The following UST variants were observed in gnomAD, a reference collection of about 807,000 sequenced individuals.
UST encodes the protein uronyl 2-sulfotransferase.
UST carries 21 observed loss-of-function variants against 45.6 expected under a neutral mutation model. That is an observed-to-expected ratio of 0.46 (90% CI 0.33 to 0.66). UST has a LOEUF of 0.66. Among genes scored for constraint, UST ranks in the 30% least tolerant of loss-of-function variants. The pLI, the probability that UST is intolerant of heterozygous loss-of-function variation, is 0.02. For synonymous variants in UST, 215 were observed against 200.6 expected, an observed-to-expected ratio of 1.07 and a Z score of -0.61; for missense variants, 463 against 512.4, an observed-to-expected ratio of 0.90 and a Z score of 0.93.
chr6:148,825,037 C>A (rs1190963281), intron 1 of UST, among the ~76,000 whole-genome samples: 1 of 151,812 alleles, frequency 6.6e-6, no homozygotes, highest in Non-Finnish European at 1.5e-5. Context: ...GCATAGTATT[C>A]CATGGTGTAT....
At chr6:148,821,440 C>T (rs967658439) in intron 1 of UST, among the ~76,000 whole-genome samples, 2 of 152,294 alleles carry the variant, frequency 1.3e-5, no homozygotes, top group East Asian at 1.9e-4. Context: ...TTAGCAAGTA[C>T]GTGAGGCTGA....
intron 2 of UST, among the ~76,000 whole-genome samples, chr6:148,907,691 T>C (rs1779390073): frequency 1.3e-5 from 2 of 152,146 alleles, no homozygotes; most frequent in South Asian, 4.1e-4. Flanking sequence ...AGTTTCAGGG[T>C]GTAAAAATCC....
At chr6:148,804,241 T>G (rs775564246) in intron 1 of UST, among the ~76,000 whole-genome samples, 1 of 152,172 alleles carries the variant, frequency 6.6e-6, no homozygotes, top group Non-Finnish European at 1.5e-5. Context: ...ATCTCAGAGA[T>G]AGAGAGAGGG....
chr6:148,941,523 C>T, intron 3 of UST, 89 bp downstream of exon 3: 2 of 1,385,256 alleles, frequency 1.4e-6, no homozygotes, highest in Non-Finnish European at 1.9e-6. Flanking sequence ...CCTTCAGACT[C>T]CTGATGAGTG....
At chr6:149,000,898 G>C (rs1025126599) in intron 5 of UST, among the ~76,000 whole-genome samples, 1 of 152,084 alleles carries the variant, frequency 6.6e-6, no homozygotes, top group Non-Finnish European at 1.5e-5. Flanking sequence ...AATTCACCAA[G>C]AATGGAATTC....
At chr6:148,769,995 A>G in intron 1 of UST, among the ~76,000 whole-genome samples, 1 of 151,948 alleles carries the variant, frequency 6.6e-6, no homozygotes, top group Non-Finnish European at 1.5e-5. Flanking sequence ...ATGTCCTAAG[A>G]TCTCTGACTG....
In UST at chr6:148,747,334, TCC is replaced by T; in HGVS notation, c.-94_-93del. On this transcript the variant is annotated 5_prime_UTR_variant, in exon 1 of 8. Transcript: ENST00000367463. Reference sequence around the variant, plus strand: ...CACCCGGCTGCCCTCCGCGCGGCCCTCCCCATGTGCAGCCGGCCAGCCGGGCT... The same window carrying T: ...CACCCGGCTGCCCTCCGCGCGGCCCTCCATGTGCAGCCGGCCAGCCGGGCT... 1 of 1,323,428 alleles carries T rather than the reference TCC, an allele frequency of 7.6e-7. No homozygotes were observed. The highest frequency in any genetic ancestry group is 9.7e-7 in the Non-Finnish European group (1 of 1,030,736). 82.0% of individuals were successfully genotyped at this position (1,323,428 alleles called of 1,614,324 possible). A position where few individuals can be genotyped will look rare whatever the true frequency, so the allele number is the denominator to read the frequency against.
intron 1 of UST, 78 bp from the exon 2 acceptor site, chr6:148,886,908 C>G: frequency 8.3e-7 from 1 of 1,201,272 alleles, no homozygotes; most frequent in Non-Finnish European, 1.2e-6. Flanking sequence ...AACTAGAATG[C>G]TTATCTTCAA....
intron 5 of UST, among the ~76,000 whole-genome samples, chr6:148,995,914 T>C (rs1019099330): frequency 2.6e-5 from 4 of 152,202 alleles, no homozygotes; most frequent in African/African-American, 7.2e-5. Context: ...TGCATTCACA[T>C]GACCTGGCAG....
At chr6:148,868,180 T>A (rs1257641963) in intron 1 of UST, among the ~76,000 whole-genome samples, 1 of 152,214 alleles carries the variant, frequency 6.6e-6, no homozygotes, top group African/African-American at 2.4e-5. Flanking sequence ...GACTTTATTT[T>A]TAGTAAGGAT....
chr6:148,893,959 C>T (rs1188751029), intron 2 of UST, among the ~76,000 whole-genome samples: 1 of 152,034 alleles, frequency 6.6e-6, no homozygotes, highest in East Asian at 1.9e-4. Context: ...TTGGAGGTTA[C>T]AGTGAGCTAT....
chr6:148,896,573 T>C (rs1034740414), intron 2 of UST, among the ~76,000 whole-genome samples: 1 of 152,264 alleles, frequency 6.6e-6, no homozygotes, highest in Non-Finnish European at 1.5e-5. Flanking sequence ...AAGTTTATAA[T>C]ACTTTCTTAT....
intron 2 of UST, among the ~76,000 whole-genome samples, chr6:148,922,912 C>T (rs774750349): frequency 7.9e-5 from 12 of 152,302 alleles, no homozygotes; most frequent in South Asian, 2.1e-4. Context: ...CATGCCTCAA[C>T]GTCCCAAGTA....
chr6:149,010,846 C>T (rs1221856260), intron 5 of UST, among the ~76,000 whole-genome samples: 2 of 135,898 alleles, frequency 1.5e-5, no homozygotes, highest in Non-Finnish European at 3.1e-5. Flanking sequence ...GAGCCGAGAT[C>T]GCGCCTCTGC....
intron 5 of UST, among the ~76,000 whole-genome samples, chr6:148,970,165 C>G (rs917037388): frequency 6.6e-6 from 1 of 152,152 alleles, no homozygotes; most frequent in Admixed American, 6.5e-5. Flanking sequence ...TTAGCAAGAC[C>G]TGAGGGTATC....
chr6:148,964,489 C>G lies in UST; in HGVS notation c.607C>G (p.Arg203Gly). 6.2e-7 allele frequency: 1 copy of G among 1,614,180 alleles called. No individual in the cohort carries two copies. Among genetic ancestry groups the G allele is most frequent in the Non-Finnish European group, 8.5e-7 (1 of 1,180,040 alleles). ...NRFLSNYFFR[R>G]FGDWRGEQNH... ...GTTCTTATCCAACTATTTTTTCCGT[C>G]GCTTTGGAGACTGGAGAGGGGAACA... is the stretch of plus-strand genomic sequence containing the variant. The change falls in exon 5 of 8, where the codon CGC (arginine) becomes GGC (glycine). Residue 203 changes from arginine (R) to glycine (G), a missense_variant. By Grantham distance (125) the Arg-to-Gly change is moderately radical (BLOSUM62 -2). Transcript: ENST00000367463.
intron 2 of UST, among the ~76,000 whole-genome samples, chr6:148,921,277 C>T (rs1779700561): frequency 6.6e-6 from 1 of 152,152 alleles, no homozygotes; most frequent in Non-Finnish European, 1.5e-5. Context: ...TAAATACATA[C>T]AGATTAAGGA....
At chr6:148,881,194 C>T (rs1778817474) in intron 1 of UST, among the ~76,000 whole-genome samples, 1 of 152,138 alleles carries the variant, frequency 6.6e-6, no homozygotes, top group African/African-American at 2.4e-5. Flanking sequence ...GTCTCCTCCG[C>T]TTACCTGAGG....
At chr6:148,802,283 G>A (rs9498164) in intron 1 of UST, among the ~76,000 whole-genome samples, 59,243 of 152,060 alleles carry the variant, frequency 0.39, 12,531 homozygotes, top group East Asian at 0.46. Context: ...CCAAGGAATC[G>A]TAGTTCTTAC....
Sources: gnomAD v4.1 joint callset for allele counts (sites outside exome capture counted in the v4.1 genomes callset) on GRCh38, gnomAD v4.1.1 for gene constraint, MANE v1.5 for transcripts, NCBI Gene and HGNC (gene_info 2026-07-23, HGNC 2026-07-21) for gene names.